CAST: variants seen among roughly 807,000 people sequenced by gnomAD.
The protein encoded by CAST is MIR583 host.
In CAST, 76 loss-of-function variants were observed where a neutral mutation model predicts 119.6. That is an observed-to-expected ratio of 0.64 (90% CI 0.53 to 0.77). CAST has a LOEUF of 0.77. CAST is among the 30% of genes least tolerant of loss of function. The pLI is 0.00. For missense variants in CAST, 953 were observed against 946.5 expected, an observed-to-expected ratio of 1.01 and a Z score of -0.09; for synonymous variants, 319 against 331.6, an observed-to-expected ratio of 0.96 and a Z score of 0.41.
At chr5:96,147,682 A>G in the CAST span, among the ~76,000 whole-genome samples, 1 of 152,254 alleles carries the variant, frequency 6.6e-6, no homozygotes, top group Non-Finnish European at 1.5e-5. Flanking sequence ...AGGCTTTGTT[A>G]CATCATTCTA....
At chr5:96,013,222 C>G in the CAST span, among the ~76,000 whole-genome samples, 1 of 150,086 alleles carries the variant, frequency 6.7e-6, no homozygotes, top group Non-Finnish European at 1.5e-5. Flanking sequence ...AAGCCCTGTT[C>G]CCTGTTCACA....
chr5:96,190,580 C>T, the CAST span, among the ~76,000 whole-genome samples: 1 of 152,104 alleles, frequency 6.6e-6, no homozygotes, highest in South Asian at 2.1e-4. Flanking sequence ...GTTGATTCAT[C>T]TCTCTTCTTT....
At chr5:96,418,660 A>G in the CAST span, among the ~76,000 whole-genome samples, 4 of 152,218 alleles carry the variant, frequency 2.6e-5, no homozygotes, top group Non-Finnish European at 4.4e-5. Flanking sequence ...CAATTGCTGT[A>G]AAGGCCAAGA....
At chr5:96,313,570 G>C in the CAST span, among the ~76,000 whole-genome samples, 1 of 152,058 alleles carries the variant, frequency 6.6e-6, no homozygotes, top group Admixed American at 6.6e-5. Context: ...GACATTTTGG[G>C]TTGTTTCCAA....
the CAST span, among the ~76,000 whole-genome samples, chr5:95,996,338 C>T: frequency 2.0e-4 from 30 of 152,152 alleles, no homozygotes; most frequent in Non-Finnish European, 4.0e-4. Context: ...TTCAAGCTGT[C>T]GCTGCAAGGC....
chr5:96,263,757 A>G, the CAST span, among the ~76,000 whole-genome samples: 4 of 152,358 alleles, frequency 2.6e-5, no homozygotes, highest in East Asian at 7.7e-4. Context: ...TAATTGACCT[A>G]CAGTTCCACA....
intron 1 of CAST, among the ~76,000 whole-genome samples, chr5:96,555,277 C>T (rs191062861): frequency 3.0e-4 from 46 of 152,274 alleles, no homozygotes; most frequent in African/African-American, 1.1e-3. Context: ...GGAACAGCTC[C>T]AGTCTACAGC....
chr5:96,441,400 C>T, the CAST span, among the ~76,000 whole-genome samples: 1 of 152,064 alleles, frequency 6.6e-6, no homozygotes, highest in African/African-American at 2.4e-5. Context: ...GTTGAGAGAG[C>T]CAGAGCAAGT....
At chr5:96,164,079 CTTAA>C in the CAST span, among the ~76,000 whole-genome samples, 1 of 152,100 alleles carries the variant, frequency 6.6e-6, no homozygotes, top group East Asian at 1.9e-4. Flanking sequence ...ATAGTAAGCA[CTTAA>C]TTGTCATTGG....
chr5:96,079,279 A>C, the CAST span: 1 of 345,750 alleles, frequency 2.9e-6, no homozygotes, highest in African/African-American at 2.2e-5. Context: ...CCCACTTACC[A>C]AATGGCATCA....
At chr5:96,766,031 T>C (rs751195105) in intron 26 of CAST, 22 bp from the exon 27 acceptor site, 2 of 1,293,984 alleles carry the variant, frequency 1.5e-6, no homozygotes, top group Admixed American at 3.6e-5. Context: ...ATATTAATTC[T>C]ATCTGCTCAC....
At chr5:96,309,147 T>C in the CAST span, among the ~76,000 whole-genome samples, 1 of 152,362 alleles carries the variant, frequency 6.6e-6, no homozygotes, top group East Asian at 1.9e-4. Flanking sequence ...GTTTCAGAGA[T>C]GCACTGCCCA....
At position 96,551,749 on chromosome 5, in the gene CAST, A is replaced by G. The variant is rs1746130681; in HGVS notation, c.60+21869A>G. ...ATCTACCAAGAAAATAGAAAGCAAG[A>G]AAAAGCAGGGGTTGCAATTCTGTTC... On this transcript the variant is annotated intron_variant, in intron 1 of 11. Transcript: ENST00000505143. Among the ~76,000 whole-genome samples the G allele has an allele frequency of 2.0e-5, 3 of 152,270 alleles. No homozygotes were observed. The South Asian group carries it at 6.2e-4, about 32-fold the overall frequency.
intron 1 of CAST, among the ~76,000 whole-genome samples, chr5:96,638,872 C>G (rs1747915428): frequency 6.6e-6 from 1 of 152,186 alleles, no homozygotes; most frequent in Non-Finnish European, 1.5e-5. Flanking sequence ...TGCAGAACTT[C>G]CCTATCCCTT....
the CAST span, among the ~76,000 whole-genome samples, chr5:96,355,140 C>T: frequency 2.0e-5 from 3 of 151,990 alleles, no homozygotes; most frequent in East Asian, 1.9e-4. Context: ...TTTTAAGCCC[C>T]GCATGCATTA....
the CAST span, among the ~76,000 whole-genome samples, chr5:96,083,909 A>G: frequency 1.3e-5 from 2 of 152,214 alleles, no homozygotes; most frequent in African/African-American, 2.4e-5. Context: ...TACTACTTGC[A>G]TTTGAATCCT....
the CAST span, among the ~76,000 whole-genome samples, chr5:96,038,098 C>T: frequency 6.6e-6 from 1 of 152,078 alleles, no homozygotes; most frequent in Non-Finnish European, 1.5e-5. Flanking sequence ...GTCATGCATC[C>T]TCAGTTTTGT....
the CAST span, among the ~76,000 whole-genome samples, chr5:96,465,784 A>G: frequency 6.6e-6 from 1 of 152,118 alleles, no homozygotes; most frequent in Non-Finnish European, 1.5e-5. Context: ...TGGATATGGA[A>G]TTTCTCAAGA....
At chr5:96,479,427 T>C in the CAST span, among the ~76,000 whole-genome samples, 1 of 150,788 alleles carries the variant, frequency 6.6e-6, no homozygotes, top group African/African-American at 2.4e-5. Flanking sequence ...ATCTAGTGAG[T>C]AACTACCATT....
Sources: allele counts gnomAD v4.1 joint callset (sites outside exome capture counted in the v4.1 genomes callset), GRCh38; gene constraint gnomAD v4.1.1; transcripts MANE v1.5; gene names NCBI Gene and HGNC (gene_info 2026-07-23, HGNC 2026-07-21).